Variants in ADARB2 observed in about 807,000 individuals in gnomAD.
ADARB2 encodes the protein inactive double-stranded RNA-specific editase B2.
Under a neutral mutation model 62.2 loss-of-function variants are expected in ADARB2, and 25 were observed. The observed-to-expected ratio is 0.40, with a 90% CI of 0.29 to 0.56. The LOEUF (loss-of-function observed/expected upper bound fraction) is 0.56. Ranked by LOEUF, ADARB2 falls within the 20% of genes least tolerant of loss-of-function variation. The pLI, the probability that ADARB2 is intolerant of heterozygous loss-of-function variation, is 0.43. For synonymous variants in ADARB2, 572 were observed against 500.8 expected (o/e 1.14, Z -1.90); for missense variants, 1,071 against 1,077.4 (o/e 0.99, Z 0.08).
chr10:1,332,818 G>A (rs1477191756), intron 3 of ADARB2, among the ~76,000 whole-genome samples: 2 of 152,190 alleles, frequency 1.3e-5, no homozygotes, highest in South Asian at 2.1e-4. Context: ...CATGTGATTT[G>A]TTTGACTAAA....
At chr10:1,497,649 T>G (rs1021693734) in intron 1 of ADARB2, among the ~76,000 whole-genome samples, 1 of 152,222 alleles carries the variant, frequency 6.6e-6, no homozygotes, top group East Asian at 1.9e-4. Context: ...TTTTATACAC[T>G]AATCCTAAAT....
At chr10:1,693,642 A>T (rs529525222) in intron 1 of ADARB2, among the ~76,000 whole-genome samples, 5 of 152,202 alleles carry the variant, frequency 3.3e-5, no homozygotes, top group Non-Finnish European at 4.4e-5. Context: ...TTCATTCTTT[A>T]ATATATTTGA....
At chr10:1,580,120 AC>A (rs1266872674) in intron 1 of ADARB2, among the ~76,000 whole-genome samples, 12 of 152,238 alleles carry the variant, frequency 7.9e-5, no homozygotes, top group African/African-American at 2.4e-4. Context: ...TTTTTAAAAA[AC>A]CTTTATCATG....
chr10:1,650,146 G>C (rs370924649), intron 1 of ADARB2, among the ~76,000 whole-genome samples: 1 of 152,210 alleles, frequency 6.6e-6, no homozygotes, highest in Non-Finnish European at 1.5e-5. Flanking sequence ...GACTGGCTAC[G>C]TTCATGACTG....
At chr10:1,420,120 T>C (rs1266285441) in intron 1 of ADARB2, among the ~76,000 whole-genome samples, 3 of 152,220 alleles carry the variant, frequency 2.0e-5, no homozygotes, top group African/African-American at 7.2e-5. Flanking sequence ...ATTCGGTGCA[T>C]GATTAAATGT....
rs946450000 is a variant in ADARB2, at chr10:1,179,058, C to G, written c.*4135G>C. On this transcript the variant is annotated 3_prime_UTR_variant, in exon 10 of 10. Coordinates refer to ENST00000381312, the MANE Select transcript of ADARB2 (RefSeq NM_018702.4). ...AAAAATGTCTACTTTATGTACGTCT[C>G]AAATGTCTTCAGTTGTTTTAAACAA... 2 of 152,164 alleles carry G rather than the reference C, an allele frequency of 1.3e-5. No individual in the cohort carries two copies. Among genetic ancestry groups the G allele is most frequent in the African/African-American group, 4.8e-5 (2 of 41,426 alleles). 9.4% of individuals were successfully genotyped at this position (152,164 alleles called of 1,614,324 possible).
In ADARB2 at chr10:1,253,325, C is replaced by A. The variant is rs1240921884; in HGVS notation, c.1193-11026G>T. 2.0e-5 allele frequency among the ~76,000 whole-genome samples: 3 copies of A among 152,156 alleles called. No individual in the cohort carries two copies. The East Asian group carries it at 5.8e-4, about 29-fold the overall frequency. On this transcript the variant is annotated intron_variant, in intron 4 of 9. Coordinates refer to ENST00000381312, the MANE Select transcript of ADARB2 (RefSeq NM_018702.4). ...CCATGTGTTCCATTATTAACTTCTA[C>A]TGACTATGAAGCACATGTTCTTGCA...
At chr10:1,337,922 A>G (rs1410160066) in intron 3 of ADARB2, among the ~76,000 whole-genome samples, 2 of 152,212 alleles carry the variant, frequency 1.3e-5, no homozygotes, top group Non-Finnish European at 2.9e-5. Flanking sequence ...CACCTCGTGC[A>G]CACTATACAC....
chr10:1,676,841 A>G (rs947997447), intron 1 of ADARB2, among the ~76,000 whole-genome samples: 1 of 152,094 alleles, frequency 6.6e-6, no homozygotes, highest in Non-Finnish European at 1.5e-5. Flanking sequence ...TCACAGGGGA[A>G]GCATGAAGAG....
chr10:1,564,652 A>AT (rs1832833469), intron 1 of ADARB2, among the ~76,000 whole-genome samples: 1 of 152,244 alleles, frequency 6.6e-6, no homozygotes, highest in Admixed American at 6.5e-5. Context: ...CAAAAAACAC[A>AT]TGAAAAAATG....
Position 1,518,967 on chromosome 10 carries a change from G to A in ADARB2, c.101-139807C>T, listed in dbSNP as rs562578217. On this transcript the variant is annotated intron_variant, in intron 1 of 9. Transcript: ENST00000381312. ...GTCATACGCATGCATTCCACGTAAC[G>A]TCTGCATGTGGTGTGGTCATATGCC... 2.0e-3 allele frequency among the ~76,000 whole-genome samples: 301 copies of A among 151,888 alleles called. 1 individual carries two copies. Among genetic ancestry groups the A allele is most frequent in the African/African-American group, 5.6e-3 (233 of 41,398 alleles).
At chr10:1,244,988 G>T (rs902685840) in intron 4 of ADARB2, among the ~76,000 whole-genome samples, 1 of 152,204 alleles carries the variant, frequency 6.6e-6, no homozygotes, top group Non-Finnish European at 1.5e-5. Context: ...CCACCCTGAA[G>T]ATCTAGCTCT....
rs1041213040 is a variant in ADARB2, at chr10:1,281,933, T to G, written c.1078-10864A>C. Among the ~76,000 whole-genome samples the G allele has an allele frequency of 4.6e-5, 7 of 152,360 alleles. No individual in the cohort carries two copies. The South Asian group carries it at 6.2e-4, about 14-fold the overall frequency. On this transcript the variant is annotated intron_variant, in intron 3 of 9. Transcript: ENST00000381312. ...AGAAAAGCAAAAATTTAAAAAACTT[T>G]CCTTACTTTGGGTGGTGAACTAATT... is the stretch of plus-strand genomic sequence containing the variant.
At chr10:1,313,652 G>T (rs1014756399) in intron 3 of ADARB2, among the ~76,000 whole-genome samples, 13 of 152,262 alleles carry the variant, frequency 8.5e-5, no homozygotes, top group African/African-American at 2.6e-4. Flanking sequence ...CAGCCAAGAT[G>T]GTTTCCTGCC....
chr10:1,370,205 A>AG (rs1326923110), intron 2 of ADARB2, among the ~76,000 whole-genome samples: 1 of 152,242 alleles, frequency 6.6e-6, no homozygotes, highest in Non-Finnish European at 1.5e-5. Context: ...CAAAAAACAT[A>AG]GGGTCATCTC....
intron 1 of ADARB2, among the ~76,000 whole-genome samples, chr10:1,510,532 G>A (rs145519612): frequency 2.0e-5 from 3 of 152,074 alleles, no homozygotes; most frequent in Admixed American, 1.3e-4. Context: ...ACCCATTGCC[G>A]AATGATTATT....
chr10:1,412,695 G>A (rs1832769609), intron 1 of ADARB2, among the ~76,000 whole-genome samples: 1 of 152,146 alleles, frequency 6.6e-6, no homozygotes, highest in Non-Finnish European at 1.5e-5. Flanking sequence ...GTGGTTGCCA[G>A]GTGCATCCCT....
intron 1 of ADARB2, among the ~76,000 whole-genome samples, chr10:1,734,110 G>C (rs1224396517): frequency 6.6e-6 from 1 of 151,150 alleles, no homozygotes; most frequent in Non-Finnish European, 1.5e-5. Flanking sequence ...ATTTCTAAAA[G>C]AAAGTCCCTG....
chr10:1,537,981 GA>G (rs955509437), intron 1 of ADARB2, among the ~76,000 whole-genome samples: 4 of 152,184 alleles, frequency 2.6e-5, no homozygotes, highest in Non-Finnish European at 4.4e-5. Context: ...GAGTAAAAAA[GA>G]AAAAGAATTG....
Sources: gnomAD v4.1 joint callset for allele counts (sites outside exome capture counted in the v4.1 genomes callset) on GRCh38, gnomAD v4.1.1 for gene constraint, MANE v1.5 for transcripts, NCBI Gene and HGNC (gene_info 2026-07-23, HGNC 2026-07-21) for gene names.